USP7: variants seen among roughly 807,000 people sequenced by gnomAD.
USP7 encodes the protein ubiquitin specific peptidase 7, also known as ubiquitin C-terminal hydrolase 7.
In USP7, 9 loss-of-function variants were observed where a neutral mutation model predicts 162.9. The observed-to-expected ratio is 0.06, with a 90% CI of 0.03 to 0.10. The LOEUF is 0.10. USP7 is among the 10% of genes least tolerant of loss of function. The pLI is 1.00. For synonymous variants in USP7, 562 were observed against 475.9 expected, an observed-to-expected ratio of 1.18 and a Z score of -2.35; for missense variants, 715 against 1,373.7, an observed-to-expected ratio of 0.52 and a Z score of 7.58.
At chr16:8,916,674 TC>T in intron 7 of USP7, 118 bp from the exon 8 acceptor site, 1 of 1,043,730 alleles carries the variant, frequency 9.6e-7, no homozygotes, top group South Asian at 1.6e-5. Context: ...AAATTCCTTT[TC>T]TGTGAAGATT....
Position 8,894,536 on chromosome 16 carries a change from G to T in USP7, c.3202+14C>A. 2 of 1,610,504 alleles carry T rather than the reference G, an allele frequency of 1.2e-6. No homozygotes were observed. Among genetic ancestry groups the T allele is most frequent in the African/African-American group, 1.3e-5 (1 of 74,838 alleles). On this transcript the variant is annotated intron_variant, in intron 30 of 30. Coordinates refer to ENST00000344836, the MANE Select transcript of USP7 (RefSeq NM_003470.3). ...GAAACCCACACCAGCCCCCGGGGGGGGGAGAACCCTTACCGGGCTGTGGCT... is the reference window on the plus strand; with the variant it reads ...GAAACCCACACCAGCCCCCGGGGGGTGGAGAACCCTTACCGGGCTGTGGCT...
chr16:8,951,233 G>GATGT (rs1164746554), intron 1 of USP7, among the ~76,000 whole-genome samples: 1 of 940 alleles, frequency 1.1e-3, no homozygotes, highest in Non-Finnish European at 0.014. Flanking sequence ...TGCCTATGAA[G>GATGT]ATGTACATCA....
At chr16:8,929,397 C>A (rs1372977057) in intron 2 of USP7, 3 of 439,500 alleles carry the variant, frequency 6.8e-6, no homozygotes, top group Non-Finnish European at 1.4e-5. Context: ...CAGCCAGCTG[C>A]CAGGGGTAAA....
chr16:8,945,039 G>A (rs1899217050), intron 1 of USP7, among the ~76,000 whole-genome samples: 1 of 152,168 alleles, frequency 6.6e-6, no homozygotes, highest in East Asian at 1.9e-4. Flanking sequence ...AAGACCTGAG[G>A]TCAGGAGTTC....
intron 1 of USP7, among the ~76,000 whole-genome samples, chr16:8,955,881 C>T (rs1202437992): frequency 6.6e-6 from 1 of 152,062 alleles, no homozygotes; most frequent in Non-Finnish European, 1.5e-5. Context: ...CAGAGGAATG[C>T]CACATGGTGT....
intron 1 of USP7, among the ~76,000 whole-genome samples, chr16:8,960,960 G>C (rs1899983132): frequency 1.3e-5 from 2 of 152,200 alleles, no homozygotes; most frequent in South Asian, 4.1e-4. Context: ...AATTGAAACA[G>C]AGGCCCAGTC....
At chr16:8,898,727 GC>G (rs2061727036) in intron 23 of USP7, 88 bp from the exon 24 acceptor site, 2 of 1,080,780 alleles carry the variant, frequency 1.9e-6, no homozygotes, top group South Asian at 1.6e-5. Context: ...CAAACCGCTG[GC>G]CTTACACCTG....
intron 1 of USP7, among the ~76,000 whole-genome samples, chr16:8,958,771 G>C (rs1458655820): frequency 6.6e-6 from 1 of 152,198 alleles, no homozygotes; most frequent in Admixed American, 6.5e-5. Flanking sequence ...AGCATCAGTG[G>C]CGCATGGCAC....
intron 10 of USP7, among the ~76,000 whole-genome samples, chr16:8,912,604 ATACTT>A (rs1217101560): frequency 1.1e-4 from 16 of 152,276 alleles, no homozygotes; most frequent in African/African-American, 2.4e-5. Flanking sequence ...ATTATCAACT[ATACTT>A]AAGTCCAAAG....
Position 8,899,702 on chromosome 16 carries a change from C to G in USP7, c.2365G>C (p.Asp789His), listed in dbSNP as rs745855649. The G allele has an allele frequency of 5.6e-6, 9 of 1,614,192 alleles. 1 individual carries two copies. In the South Asian group the frequency reaches 8.8e-5, roughly 16 times the overall value. Residue 789 changes from aspartate (D) to histidine (H), a missense_variant, in exon 22 of 31, where the codon GAT becomes CAT. Asp to His is a moderately conservative substitution (Grantham distance 81). Coordinates refer to ENST00000344836, the MANE Select transcript of USP7 (RefSeq NM_003470.3). ...ELPTAKEYFR[D>H]LYHRVDVIFC... ...ATGACATCAACGCGGTGGTAGAGAT[C>G]TCGGAAATACTCCTTTGCGGTGGGT...
intron 1 of USP7, among the ~76,000 whole-genome samples, chr16:8,960,578 T>TTCC (rs1211679861): frequency 6.6e-6 from 1 of 152,150 alleles, no homozygotes; most frequent in Non-Finnish European, 1.5e-5. Context: ...AAGCCTTCCC[T>TTCC]TCCTCAAGCT....
At chr16:8,951,374 C>T (rs1268377349) in intron 1 of USP7, among the ~76,000 whole-genome samples, 1 of 79,714 alleles carries the variant, frequency 1.3e-5, no homozygotes, top group Non-Finnish European at 2.8e-5. Flanking sequence ...AAGCTGTCAT[C>T]TTAAAGAAAC....
chr16:8,900,346 T>C (rs1419896045), intron 21 of USP7, among the ~76,000 whole-genome samples, 184 bp downstream of exon 21: 3 of 152,192 alleles, frequency 2.0e-5, no homozygotes, highest in Non-Finnish European at 4.4e-5. Context: ...AGAAGAGCTT[T>C]ATGAGATGAA....
chr16:8,963,149 C>T, intron 1 of USP7, 58 bp downstream of exon 1: 1 of 1,351,372 alleles, frequency 7.4e-7, no homozygotes, highest in Non-Finnish European at 9.6e-7. Context: ...CCCGCGGCTC[C>T]CCCGGCCACA....
chr16:8,936,552 A>G (rs951392920), intron 1 of USP7: 19 of 1,517,076 alleles, frequency 1.3e-5, no homozygotes, highest in Middle Eastern at 1.7e-4. Flanking sequence ...CATCACCAGC[A>G]TAAGGAGCTC....
intron 20 of USP7, 33 bp from the exon 21 acceptor site, chr16:8,900,663 A>C (rs2061760003): frequency 6.6e-7 from 1 of 1,513,448 alleles, no homozygotes; most frequent in Non-Finnish European, 9.1e-7. Context: ...GTTACACTGC[A>C]AGTTTGTCTA....
chr16:8,915,386 C>CAA (rs202239204), intron 9 of USP7, 42 bp from the exon 10 acceptor site: 1 of 1,612,454 alleles, frequency 6.2e-7, no homozygotes, highest in Admixed American at 1.7e-5. Context: ...TAGTAATAGT[C>CAA]AAAAAATTCA....
rs1898789671 is a variant in USP7, at chr16:8,937,202, C to CT, written c.80-6806dup. On this transcript the variant is annotated intron_variant, in intron 1 of 30. Coordinates refer to ENST00000344836, the MANE Select transcript of USP7 (RefSeq NM_003470.3). ...TTAGCCTGGGCAACACAGTGAGACT[C>CT]TGTCTTTTTTTAAAAAAAAAAGGAT... Among the ~76,000 whole-genome samples, 6 of 48,160 alleles carry CT rather than the reference C, an allele frequency of 1.2e-4. No homozygotes were observed. In the South Asian group the frequency reaches 4.7e-3, roughly 38 times the overall value. The allele number at this position is 48,160 out of a possible 152,430, so 31.6% of individuals were successfully genotyped here. A position where few individuals can be genotyped will look rare whatever the true frequency, so the allele number is the denominator to read the frequency against.
intron 1 of USP7, among the ~76,000 whole-genome samples, chr16:8,938,528 C>T (rs190125712): frequency 1.4e-3 from 213 of 151,882 alleles, no homozygotes; most frequent in Admixed American, 4.1e-3. Flanking sequence ...CTGGCTAACA[C>T]GGTGAAACGC....
Sources: gnomAD v4.1 joint callset for allele counts (sites outside exome capture counted in the v4.1 genomes callset) on GRCh38, gnomAD v4.1.1 for gene constraint, MANE v1.5 for transcripts, NCBI Gene and HGNC (gene_info 2026-07-23, HGNC 2026-07-21) for gene names.